Variants in ISM1 observed in about 807,000 individuals in gnomAD.
The protein encoded by ISM1 is isthmin 1.
Under a neutral mutation model 46.3 loss-of-function variants are expected in ISM1, and 25 were observed. The observed-to-expected ratio is 0.54, with a 90% CI of 0.39 to 0.75. The LOEUF (loss-of-function observed/expected upper bound fraction) is 0.75. Among genes scored for constraint, ISM1 ranks in the 30% least tolerant of loss-of-function variants. The probability of loss-of-function intolerance (pLI) is 0.00; values close to 1 mark genes in which losing one functional copy is unlikely to be tolerated. For synonymous variants in ISM1, 255 were observed against 256.7 expected (o/e 0.99, Z 0.06); for missense variants, 536 against 625.4 (o/e 0.86, Z 1.52).
intron 3 of ISM1, among the ~76,000 whole-genome samples, chr20:13,285,975 A>G (rs899589173): frequency 6.6e-6 from 1 of 152,154 alleles, no homozygotes; most frequent in East Asian, 1.9e-4. Flanking sequence ...AAAGCCAAGA[A>G]CACCATTTGG....
chr20:13,279,602 A>G, intron 2 of ISM1, 32 bp from the exon 3 acceptor site: 1 of 1,593,416 alleles, frequency 6.3e-7, no homozygotes, highest in Non-Finnish European at 8.6e-7. Context: ...TGTTGACTCC[A>G]CACTGACCCC....
chr20:13,313,183 G>A, the ISM1 span, among the ~76,000 whole-genome samples: 1 of 152,162 alleles, frequency 6.6e-6, no homozygotes, highest in African/African-American at 2.4e-5. Context: ...CAGATTATTA[G>A]AACTTTGGCT....
chr20:13,284,395 G>C (rs1014490491), intron 3 of ISM1, among the ~76,000 whole-genome samples: 4 of 152,194 alleles, frequency 2.6e-5, no homozygotes, highest in African/African-American at 9.7e-5. Context: ...GTTATTTGAT[G>C]TCACAGCCAG....
the ISM1 span, among the ~76,000 whole-genome samples, chr20:13,308,636 C>A: frequency 6.6e-6 from 1 of 152,142 alleles, no homozygotes; most frequent in Non-Finnish European, 1.5e-5. Context: ...TACAATCCAG[C>A]TGTTAAATGA....
At chr20:13,298,208 C>A (rs1347675361) in intron 5 of ISM1, among the ~76,000 whole-genome samples, 1 of 152,136 alleles carries the variant, frequency 6.6e-6, no homozygotes, top group African/African-American at 2.4e-5. Flanking sequence ...CAGGTTCAAG[C>A]GATTCTCCTG....
chr20:13,222,988 C>T (rs926385084), intron 1 of ISM1, among the ~76,000 whole-genome samples: 1 of 151,960 alleles, frequency 6.6e-6, no homozygotes, highest in Non-Finnish European at 1.5e-5. Context: ...CATGGTGAAA[C>T]CCCGTCTCTA....
intron 1 of ISM1, among the ~76,000 whole-genome samples, chr20:13,265,833 G>T (rs1443268451): frequency 6.6e-6 from 1 of 151,976 alleles, no homozygotes; most frequent in Non-Finnish European, 1.5e-5. Flanking sequence ...TAAGATTAAT[G>T]ATAACAGTAA....
chr20:13,237,639 G>A (rs2039667224), intron 1 of ISM1, among the ~76,000 whole-genome samples: 1 of 152,172 alleles, frequency 6.6e-6, no homozygotes, highest in African/African-American at 2.4e-5. Context: ...TTGCCTAGGT[G>A]TCTTCAGTTT....
intron 2 of ISM1, among the ~76,000 whole-genome samples, chr20:13,278,551 T>C (rs1399061979): frequency 6.6e-6 from 1 of 152,254 alleles, no homozygotes; most frequent in Non-Finnish European, 1.5e-5. Flanking sequence ...AGGGACAGCA[T>C]GGGCTCTAGA....
Position 13,280,398 on chromosome 20 carries a change from C to G in ISM1, c.643+500C>G, listed in dbSNP as rs537228150. 1.8e-4 allele frequency among the ~76,000 whole-genome samples: 26 copies of G among 148,130 alleles called. No individual in the cohort carries two copies. The South Asian group carries it at 3.7e-3, about 21-fold the overall frequency. On this transcript the variant is annotated intron_variant, in intron 3 of 5. Transcript: ENST00000262487. ...TCTCAGGTCTTCAAAGTAACCCCCC[C>G]CCCCCAATACATTTCAAAACTCCAA...
At chr20:13,296,454 CTAT>C (rs1469577218) in intron 5 of ISM1, among the ~76,000 whole-genome samples, 1 of 152,190 alleles carries the variant, frequency 6.6e-6, no homozygotes, top group African/African-American at 2.4e-5. Flanking sequence ...TGTTATCTCC[CTAT>C]TATTGCAATG....
At chr20:13,254,107 C>G (rs1446050681) in intron 1 of ISM1, among the ~76,000 whole-genome samples, 1 of 151,162 alleles carries the variant, frequency 6.6e-6, no homozygotes, top group African/African-American at 2.4e-5. Flanking sequence ...GTGGTACATG[C>G]CTGTAATCCC....
the ISM1 span, among the ~76,000 whole-genome samples, chr20:13,306,564 C>CAAAAAAAAAAAAAAAAAAAAGAAAAAA: frequency 3.1e-5 from 2 of 63,914 alleles, no homozygotes; most frequent in Non-Finnish European, 5.3e-5. Flanking sequence ...GGAGAAAGGA[C>CAAAAAAAAAAAAAAAAAAAAGAAAAAA]AAAAAAAAAA....
intron 2 of ISM1, among the ~76,000 whole-genome samples, chr20:13,277,713 T>C (rs1372670600): frequency 1.3e-5 from 2 of 151,566 alleles, no homozygotes; most frequent in Non-Finnish European, 2.9e-5. Context: ...AAAGGGTGCC[T>C]ACAAGACTGG....
intron 1 of ISM1, among the ~76,000 whole-genome samples, chr20:13,241,078 C>T (rs1285641040): frequency 6.6e-6 from 1 of 152,060 alleles, no homozygotes; most frequent in Non-Finnish European, 1.5e-5. Flanking sequence ...GGAGAGAGGA[C>T]TTCTATCGAA....
the ISM1 span, among the ~76,000 whole-genome samples, chr20:13,325,670 C>T: frequency 2.0e-5 from 3 of 152,132 alleles, no homozygotes; most frequent in African/African-American, 4.8e-5. Context: ...TTAATTCCAC[C>T]TGTATCAAAA....
intron 2 of ISM1, among the ~76,000 whole-genome samples, chr20:13,277,991 C>A (rs1452294477): frequency 2.0e-5 from 3 of 152,164 alleles, no homozygotes; most frequent in Non-Finnish European, 4.4e-5. Flanking sequence ...CGCCCTGGTG[C>A]AATTTGGCAG....
chr20:13,294,586 A>G (rs2040388442), intron 5 of ISM1, among the ~76,000 whole-genome samples: 1 of 152,166 alleles, frequency 6.6e-6, no homozygotes, highest in Non-Finnish European at 1.5e-5. Flanking sequence ...ATGGTGTCTC[A>G]GTCAGGGTCC....
At chr20:13,231,315 C>G (rs1323642263) in intron 1 of ISM1, among the ~76,000 whole-genome samples, 2 of 152,206 alleles carry the variant, frequency 1.3e-5, no homozygotes, top group African/African-American at 4.8e-5. Context: ...CAGGCTACCC[C>G]ATGCCCTCCC....
Sources: gnomAD v4.1 joint callset for allele counts (sites outside exome capture counted in the v4.1 genomes callset) on GRCh38, gnomAD v4.1.1 for gene constraint, MANE v1.5 for transcripts, NCBI Gene and HGNC (gene_info 2026-07-23, HGNC 2026-07-21) for gene names.